The following SPATA31F3 variants were observed in gnomAD, a reference collection of about 807,000 sequenced individuals.
SPATA31F3 encodes SPATA31 subfamily F member 3.
At chr9:34,894,327 G>A in the SPATA31F3 span, 2 of 396,708 alleles carry the variant, frequency 5.0e-6, no homozygotes, top group Non-Finnish European at 4.4e-6. Context: ...AGCCTCCACT[G>A]TGTATGTCTC....
chr9:34,895,505 T>TA, the SPATA31F3 span: 1 of 398,314 alleles, frequency 2.5e-6, no homozygotes, highest in African/African-American at 2.1e-5. Flanking sequence ...GGGCTAAGAG[T>TA]AACAAGAGAA....
chr9:34,893,703 T>G, the SPATA31F3 span, among the ~76,000 whole-genome samples: 1 of 152,122 alleles, frequency 6.6e-6, no homozygotes, highest in Non-Finnish European at 1.5e-5. Flanking sequence ...AGACGACCCA[T>G]GGGAGGGCGT....
chr9:34,889,659 G>A, the SPATA31F3 span: 1 of 398,530 alleles, frequency 2.5e-6, no homozygotes, highest in Non-Finnish European at 4.4e-6. Context: ...GCTCTTGTGA[G>A]TATGGACTGC....
the SPATA31F3 span, among the ~76,000 whole-genome samples, chr9:34,891,624 A>G: frequency 6.6e-6 from 1 of 152,202 alleles, no homozygotes; most frequent in Non-Finnish European, 1.5e-5. Flanking sequence ...GCAATGACAA[A>G]TCAACCCTCT....
At chr9:34,892,668 C>A in the SPATA31F3 span, 2 of 462,778 alleles carry the variant, frequency 4.3e-6, no homozygotes, top group Non-Finnish European at 7.6e-6. Context: ...CCTTGGTTCT[C>A]CAGGACAAAT....
At chr9:34,890,852 G>A in the SPATA31F3 span, among the ~76,000 whole-genome samples, 3 of 152,244 alleles carry the variant, frequency 2.0e-5, no homozygotes, top group East Asian at 1.9e-4. Flanking sequence ...CCTCTCTAGC[G>A]GTACCATCTC....
the SPATA31F3 span, chr9:34,889,427 A>C: frequency 2.5e-6 from 1 of 398,640 alleles, no homozygotes; most frequent in Non-Finnish European, 4.4e-6. Context: ...GCTGAGCCTC[A>C]GGGTCCTCTG....
At chr9:34,891,437 G>A in the SPATA31F3 span, among the ~76,000 whole-genome samples, 3 of 152,154 alleles carry the variant, frequency 2.0e-5, no homozygotes, top group Admixed American at 6.6e-5. Flanking sequence ...AAACAATTGC[G>A]GACTGGCCCT....
chr9:34,894,651 G>A, the SPATA31F3 span: 1 of 396,882 alleles, frequency 2.5e-6, no homozygotes, highest in Non-Finnish European at 4.4e-6. Context: ...AACCGTTTAC[G>A]ATGTGTTGTT....
At chr9:34,892,535 T>G in the SPATA31F3 span, 1 of 414,018 alleles carries the variant, frequency 2.4e-6, no homozygotes, top group Non-Finnish European at 4.2e-6. Flanking sequence ...TGAAGATTCC[T>G]CAGGACTTTT....
At chr9:34,890,466 T>C in the SPATA31F3 span, among the ~76,000 whole-genome samples, 1,209 of 152,282 alleles carry the variant, frequency 7.9e-3, 20 homozygotes, top group South Asian at 0.057. Flanking sequence ...ATGTCTCCAC[T>C]GGGTGTGAGA....
At chr9:34,894,688 C>T in the SPATA31F3 span, among the ~76,000 whole-genome samples, 1 of 152,312 alleles carries the variant, frequency 6.6e-6, no homozygotes, top group African/African-American at 2.4e-5. Flanking sequence ...TTGTCCTTCA[C>T]CATCACACTG....
chr9:34,892,619 C>T, the SPATA31F3 span: 2 of 442,242 alleles, frequency 4.5e-6, no homozygotes, highest in African/African-American at 4.0e-5. Context: ...GCTCTGGGTT[C>T]AGGGAAAGAA....
the SPATA31F3 span, chr9:34,892,826 C>A: frequency 1.5e-6 from 1 of 685,422 alleles, no homozygotes; most frequent in South Asian, 1.6e-5. Context: ...ATCTTGGACG[C>A]TGTCTGCACC....
chr9:34,890,370 A>C, the SPATA31F3 span, among the ~76,000 whole-genome samples: 1 of 152,110 alleles, frequency 6.6e-6, no homozygotes, highest in Non-Finnish European at 1.5e-5. Context: ...ACTTTTGCAA[A>C]GACCTGGTCT....
chr9:34,892,511 A>G, the SPATA31F3 span: 1 of 407,194 alleles, frequency 2.5e-6, no homozygotes, highest in Non-Finnish European at 4.3e-6. Context: ...GTGCAACAAT[A>G]TCCCACTTGT....
At chr9:34,895,578 C>G in the SPATA31F3 span, 1 of 398,726 alleles carries the variant, frequency 2.5e-6, no homozygotes, top group Middle Eastern at 6.3e-4. Flanking sequence ...TGTTTCCCTA[C>G]CCGGCAACAG....
the SPATA31F3 span, among the ~76,000 whole-genome samples, chr9:34,895,339 G>A: frequency 6.6e-6 from 1 of 152,144 alleles, no homozygotes; most frequent in South Asian, 2.1e-4. Context: ...ACTTTAGGAT[G>A]AGACGGGAGG....
chr9:34,892,968 T>C, the SPATA31F3 span: 3 of 698,604 alleles, frequency 4.3e-6, no homozygotes, highest in Non-Finnish European at 7.7e-6. Context: ...AAAGACACAC[T>C]AGATGTGGAC....
Sources: gnomAD v4.1 joint callset for allele counts (sites outside exome capture counted in the v4.1 genomes callset) on GRCh38, gnomAD v4.1.1 for gene constraint, MANE v1.5 for transcripts, NCBI Gene and HGNC (gene_info 2026-07-23, HGNC 2026-07-21) for gene names.